UHMK1: variants seen among roughly 807,000 people sequenced by gnomAD.
The protein encoded by UHMK1 is serine/threonine-protein kinase Kist.
Under a neutral mutation model 44.0 loss-of-function variants are expected in UHMK1, and 18 were observed. The observed-to-expected ratio is 0.41, with a 90% CI of 0.28 to 0.61. UHMK1 has a LOEUF of 0.61. UHMK1 is among the 20% of genes least tolerant of loss of function. The pLI is 0.31. For missense variants in UHMK1, 463 were observed against 522.5 expected, an observed-to-expected ratio of 0.89 and a Z score of 1.11; for synonymous variants, 231 against 198.5, an observed-to-expected ratio of 1.16 and a Z score of -1.38.
In UHMK1 at chr1:162,528,790, T is replaced by C. The variant is rs562459277; in HGVS notation, c.*6240T>C. ...TTCTTTTTTGAAATATCTTAAATAA[T>C]TTAACATTCCTTTATAACTTCTTAA... On this transcript the variant is annotated 3_prime_UTR_variant, in exon 8 of 8. Coordinates refer to ENST00000489294, the MANE Select transcript of UHMK1 (RefSeq NM_175866.5). 1 of 152,288 alleles carries C rather than the reference T, an allele frequency of 6.6e-6. No homozygotes were observed. Among genetic ancestry groups the C allele is most frequent in the Non-Finnish European group, 1.5e-5 (1 of 67,978 alleles). 9.4% of individuals were successfully genotyped at this position (152,288 alleles called of 1,614,324 possible). A position where few individuals can be genotyped will look rare whatever the true frequency, so the allele number is the denominator to read the frequency against.
In UHMK1 at chr1:162,524,730, TCA is replaced by T. The variant is rs1652184315; in HGVS notation, c.*2183_*2184del. 6.6e-6 allele frequency: 1 copy of T among 152,226 alleles called. No homozygotes were observed. The highest frequency in any genetic ancestry group is 2.4e-5 in the African/African-American group (1 of 41,462). The allele number at this position is 152,226 out of a possible 1,614,324, so 9.4% of individuals were successfully genotyped here. A position where few individuals can be genotyped will look rare whatever the true frequency, so the allele number is the denominator to read the frequency against. On this transcript the variant is annotated 3_prime_UTR_variant, in exon 8 of 8. Coordinates refer to ENST00000489294, the MANE Select transcript of UHMK1 (RefSeq NM_175866.5). ...GCTGCTAACATCTTGATGCCAATCTTCACAGCATTCTTTGATTGTCATCTTAT... is the reference window on the plus strand; with the variant it reads ...GCTGCTAACATCTTGATGCCAATCTTCAGCATTCTTTGATTGTCATCTTAT...
intron 7 of UHMK1, among the ~76,000 whole-genome samples, chr1:162,518,571 C>T (rs1282051272): frequency 6.6e-6 from 1 of 151,622 alleles, no homozygotes; most frequent in Non-Finnish European, 1.5e-5. Context: ...AATCCCAGCT[C>T]CTTGGGAGGC....
intron 4 of UHMK1, among the ~76,000 whole-genome samples, chr1:162,504,516 A>G (rs1207496467): frequency 6.6e-6 from 1 of 152,224 alleles, no homozygotes; most frequent in Admixed American, 6.6e-5. Context: ...TTACTGTACC[A>G]AATACTATAG....
At chr1:162,498,700 G>A (rs1651157203) in intron 1 of UHMK1, among the ~76,000 whole-genome samples, 1 of 152,146 alleles carries the variant, frequency 6.6e-6, no homozygotes, top group Admixed American at 6.5e-5. Context: ...TATATCTTTA[G>A]TACGGATTTG....
intron 1 of UHMK1, 74 bp from the exon 2 acceptor site, chr1:162,499,881 G>A: frequency 7.1e-7 from 1 of 1,398,818 alleles, no homozygotes; most frequent in East Asian, 2.3e-5. Flanking sequence ...TCTCAAATTT[G>A]TACTGCAGTT....
chr1:162,516,878 G>A (rs1309599350), intron 6 of UHMK1, among the ~76,000 whole-genome samples: 6 of 152,176 alleles, frequency 3.9e-5, no homozygotes, highest in East Asian at 3.8e-4. Context: ...AGGGTATAAG[G>A]AAACATTTTT....
chr1:162,520,039 C>G (rs1021708125), intron 7 of UHMK1, among the ~76,000 whole-genome samples: 2 of 152,162 alleles, frequency 1.3e-5, no homozygotes, highest in Non-Finnish European at 2.9e-5. Context: ...GCTGGAACTA[C>G]AAGCACATGT....
chr1:162,519,783 A>G (rs562775719), intron 7 of UHMK1, among the ~76,000 whole-genome samples: 92 of 152,302 alleles, frequency 6.0e-4, no homozygotes, highest in Non-Finnish European at 1.2e-3. Flanking sequence ...CCTCTACACT[A>G]TAGAACGTTT....
At chr1:162,503,880 A>G (rs774466397) in intron 4 of UHMK1, 32 bp downstream of exon 4, 2 of 1,541,896 alleles carry the variant, frequency 1.3e-6, no homozygotes, top group Non-Finnish European at 1.8e-6. Flanking sequence ...CTTGCTTTGC[A>G]TTCATGTACT....
At chr1:162,502,012 T>G (rs1167932650) in intron 3 of UHMK1, among the ~76,000 whole-genome samples, 1 of 152,072 alleles carries the variant, frequency 6.6e-6, no homozygotes, top group Non-Finnish European at 1.5e-5. Flanking sequence ...ATTGTATTTA[T>G]TAAACCTCAA....
At chr1:162,508,523 G>C (rs1287351856) in intron 4 of UHMK1, among the ~76,000 whole-genome samples, 1 of 151,694 alleles carries the variant, frequency 6.6e-6, no homozygotes, top group African/African-American at 2.4e-5. Context: ...GGCCAACATG[G>C]TGAAATCCCG....
chr1:162,501,879 G>A (rs1322400404), intron 3 of UHMK1, among the ~76,000 whole-genome samples: 1 of 148,312 alleles, frequency 6.7e-6, no homozygotes, highest in East Asian at 2.0e-4. Flanking sequence ...CTTGAGACCA[G>A]GAATTTGAGA....
Position 162,501,017 on chromosome 1 carries a change from T to C in UHMK1, c.666T>C (p.Ala222=). 6.2e-7 allele frequency: 1 copy of C among 1,614,150 alleles called. No individual in the cohort carries two copies. The highest frequency in any genetic ancestry group is 8.5e-7 in the Non-Finnish European group (1 of 1,180,026). ...AGAGTGATACAGAATGTACCTCAGC[T>C]GTTGATCTGTGGAGCCTAGGAATCA... ...GLQSDTECTS[A]VDLWSLGIIL... The change falls in exon 3 of 8, where the codon GCT becomes GCC. Residue 222 remains alanine, a synonymous_variant. Coordinates refer to ENST00000489294, the MANE Select transcript of UHMK1 (RefSeq NM_175866.5).
At chr1:162,517,958 C>A (rs1651897280) in intron 6 of UHMK1, 144 bp from the exon 7 acceptor site, 2 of 565,168 alleles carry the variant, frequency 3.5e-6, no homozygotes, top group African/African-American at 1.9e-5. Context: ...AATTTTGAAT[C>A]ATTTGAATGT....
At chr1:162,522,304 A>G in intron 7 of UHMK1, 100 bp from the exon 8 acceptor site, 1 of 1,369,710 alleles carries the variant, frequency 7.3e-7, no homozygotes, top group Non-Finnish European at 1.0e-6. Context: ...CTGCATTTTA[A>G]TAACATCTCC....
At chr1:162,507,163 A>G (rs372580778) in intron 4 of UHMK1, among the ~76,000 whole-genome samples, 1 of 149,028 alleles carries the variant, frequency 6.7e-6, no homozygotes, top group South Asian at 2.1e-4. Context: ...CTCGTTGCCC[A>G]GGTTGGAGTA....
chr1:162,510,037 T>C (rs566853203), intron 4 of UHMK1, among the ~76,000 whole-genome samples: 2 of 152,218 alleles, frequency 1.3e-5, no homozygotes, highest in Non-Finnish European at 2.9e-5. Context: ...AACACTTCAG[T>C]AGCTATATAG....
rs1202066027 is a variant in UHMK1, at chr1:162,523,381, A to C, written c.*831A>C. ...GTCTGTCTGATACAATGTAAATGAC[A>C]AAACATAATTCCTGAGAGGCCCAGA... is the stretch of plus-strand genomic sequence containing the variant. On this transcript the variant is annotated 3_prime_UTR_variant, in exon 8 of 8. Coordinates refer to ENST00000489294, the MANE Select transcript of UHMK1 (RefSeq NM_175866.5). 1 of 152,670 alleles carries C rather than the reference A, an allele frequency of 6.6e-6. No homozygotes were observed. The highest frequency in any genetic ancestry group is 1.5e-5 in the Non-Finnish European group (1 of 68,052). 9.5% of individuals were successfully genotyped at this position (152,670 alleles called of 1,614,324 possible).
intron 7 of UHMK1, among the ~76,000 whole-genome samples, chr1:162,520,954 A>G (rs1456929523): frequency 6.6e-6 from 1 of 152,196 alleles, no homozygotes; most frequent in Non-Finnish European, 1.5e-5. Context: ...TTAAGATGAT[A>G]TGAAAAAAGT....
Sources: gnomAD v4.1 joint callset for allele counts (sites outside exome capture counted in the v4.1 genomes callset) on GRCh38, gnomAD v4.1.1 for gene constraint, MANE v1.5 for transcripts, NCBI Gene and HGNC (gene_info 2026-07-23, HGNC 2026-07-21) for gene names.